Variants in STX16 observed in about 807,000 individuals in gnomAD.
STX16 encodes the protein syntaxin 16, also known as syntaxin-16.
STX16 carries 28 observed loss-of-function variants against 42.7 expected under a neutral mutation model. The observed-to-expected ratio is 0.66, with a 90% confidence interval of 0.49 to 0.90. The LOEUF is 0.90. Ranked by LOEUF, STX16 falls within the 40% of genes least tolerant of loss-of-function variation. The pLI, the probability that STX16 is intolerant of heterozygous loss-of-function variation, is 0.00. For synonymous variants in STX16, 156 were observed against 155.2 expected, an observed-to-expected ratio of 1.00 and a Z score of -0.04; for missense variants, 361 against 420.9, an observed-to-expected ratio of 0.86 and a Z score of 1.24.
chr20:58,661,164 A>G (rs1461107703), intron 2 of STX16, among the ~76,000 whole-genome samples: 1 of 152,234 alleles, frequency 6.6e-6, no homozygotes, highest in African/African-American at 2.4e-5. Context: ...CTCAAAAGGA[A>G]GTGTATAGGA....
In STX16 at chr20:58,665,066, G is replaced by A. The variant is rs916935319; in HGVS notation, c.145-2424G>A. Among the ~76,000 whole-genome samples the A allele has an allele frequency of 2.6e-5, 4 of 152,220 alleles. No homozygotes were observed. The South Asian group carries it at 6.2e-4, about 24-fold the overall frequency. ...GCAGGTGCTGCGAGCTGGGCCTGTG[G>A]TTTGTCCCCCTGCTTTTTAGTCAGT... On this transcript the variant is annotated intron_variant, in intron 2 of 8. Transcript: ENST00000371141.
chr20:58,653,899 G>C (rs1302121438), intron 1 of STX16, among the ~76,000 whole-genome samples: 1 of 150,458 alleles, frequency 6.6e-6, no homozygotes, highest in Non-Finnish European at 1.5e-5. Flanking sequence ...TAAAAACCTA[G>C]TATCTGAGAC....
chr20:58,674,339 C>T (rs1003949080), intron 8 of STX16, among the ~76,000 whole-genome samples: 13 of 152,086 alleles, frequency 8.5e-5, no homozygotes, highest in Non-Finnish European at 1.3e-4. Context: ...GGAATCTTAT[C>T]GGTTATAAGA....
intron 4 of STX16, among the ~76,000 whole-genome samples, chr20:58,669,088 C>T (rs901875943): frequency 6.6e-6 from 1 of 152,224 alleles, no homozygotes; most frequent in Non-Finnish European, 1.5e-5. Flanking sequence ...ACACAGCAGG[C>T]CCTACATAGC....
chr20:58,659,582 C>G (rs748602558), intron 1 of STX16, 41 bp from the exon 2 acceptor site: 2 of 1,598,928 alleles, frequency 1.3e-6, no homozygotes, highest in Non-Finnish European at 1.7e-6. Context: ...TTGTGCTTTC[C>G]CCAACTGGAT....
intron 1 of STX16, among the ~76,000 whole-genome samples, chr20:58,656,037 A>G (rs1480981833): frequency 6.6e-6 from 1 of 152,202 alleles, no homozygotes; most frequent in Non-Finnish European, 1.5e-5. Context: ...AATAAAGGAA[A>G]GAGCACTGAG....
At chr20:58,672,473 A>G (rs930340471) in intron 7 of STX16, among the ~76,000 whole-genome samples, 5 of 152,098 alleles carry the variant, frequency 3.3e-5, no homozygotes, top group African/African-American at 1.2e-4. Flanking sequence ...ATATCTCATT[A>G]TGTGTATGCA....
intron 5 of STX16, 112 bp from the exon 6 acceptor site, chr20:58,670,400 A>AAT: frequency 1.2e-6 from 1 of 809,982 alleles, no homozygotes; most frequent in Non-Finnish European, 2.0e-6. Context: ...AGCGGCTAAG[A>AAT]ATATCTCAAT....
Position 58,651,903 on chromosome 20 carries a change from T to G in STX16, c.-104T>G. On this transcript the variant is annotated 5_prime_UTR_variant, in exon 1 of 9. Coordinates refer to ENST00000371141, the MANE Select transcript of STX16 (RefSeq NM_001001433.3). ...GAGGCCTGAGGCCTTGTCGAGAAGC[T>G]TCCGTGAAAGGGTGGGCCAGCCGGG... 7.6e-7 allele frequency: 1 copy of G among 1,314,704 alleles called. No homozygotes were observed. Among genetic ancestry groups the G allele is most frequent in the Non-Finnish European group, 1.1e-6 (1 of 935,472 alleles). The allele number at this position is 1,314,704 out of a possible 1,614,324, so 81.4% of individuals were successfully genotyped here.
chr20:58,668,700 C>A (rs1284431172), intron 4 of STX16, among the ~76,000 whole-genome samples: 1 of 151,476 alleles, frequency 6.6e-6, no homozygotes, highest in Non-Finnish European at 1.5e-5. Flanking sequence ...TCATTTAATC[C>A]CTCTGACTCT....
chr20:58,662,023 CTAAG>C (rs1030602082), intron 2 of STX16, among the ~76,000 whole-genome samples: 6 of 152,208 alleles, frequency 3.9e-5, no homozygotes, highest in African/African-American at 9.7e-5. Flanking sequence ...TCAGAAAACA[CTAAG>C]TAAGGTGTTC....
At chr20:58,666,192 ACT>A in intron 2 of STX16, among the ~76,000 whole-genome samples, 1 of 152,234 alleles carries the variant, frequency 6.6e-6, no homozygotes, top group South Asian at 2.1e-4. Context: ...TTTTCACCCA[ACT>A]CTACAGTGTG....
intron 2 of STX16, among the ~76,000 whole-genome samples, chr20:58,661,922 C>T (rs990527972): frequency 6.6e-6 from 1 of 152,188 alleles, no homozygotes; most frequent in Non-Finnish European, 1.5e-5. Flanking sequence ...CATCTGACGG[C>T]CTCACTTCAG....
At chr20:58,672,443 A>G (rs1187248114) in intron 7 of STX16, among the ~76,000 whole-genome samples, 1 of 152,126 alleles carries the variant, frequency 6.6e-6, no homozygotes, top group Admixed American at 6.5e-5. Context: ...TTTTGTGTTT[A>G]GACTTGGGTC....
rs1301771555 is a variant in STX16 at position 58,651,906 on chromosome 20, C to T, written c.-101C>T. ...GCCTGAGGCCTTGTCGAGAAGCTTC[C>T]GTGAAAGGGTGGGCCAGCCGGGCCA... On this transcript the variant is annotated 5_prime_UTR_variant, in exon 1 of 9. Coordinates refer to ENST00000371141, the MANE Select transcript of STX16 (RefSeq NM_001001433.3). 18 of 1,330,992 alleles carry T rather than the reference C, an allele frequency of 1.4e-5. No individual in the cohort carries two copies. Among genetic ancestry groups the T allele is most frequent in the Non-Finnish European group, 1.8e-5 (17 of 949,380 alleles). 82.4% of individuals were successfully genotyped at this position (1,330,992 alleles called of 1,614,324 possible).
intron 1 of STX16, among the ~76,000 whole-genome samples, chr20:58,656,946 G>A (rs1234016272): frequency 6.6e-6 from 1 of 152,156 alleles, no homozygotes; most frequent in East Asian, 1.9e-4. Context: ...AGATTTTAGA[G>A]GAGGTAGGAA....
At chr20:58,665,697 T>C (rs1301117644) in intron 2 of STX16, among the ~76,000 whole-genome samples, 2 of 152,076 alleles carry the variant, frequency 1.3e-5, no homozygotes, top group African/African-American at 4.8e-5. Flanking sequence ...CCCCAGACAG[T>C]GCGGGTTTGG....
chr20:58,652,178 G>A, intron 1 of STX16, 40 bp downstream of exon 1: 1 of 1,610,912 alleles, frequency 6.2e-7, no homozygotes, highest in Non-Finnish European at 8.5e-7. Context: ...CGGACCGTGT[G>A]CACTGCGGCT....
At chr20:58,656,229 A>T (rs1311866374) in intron 1 of STX16, among the ~76,000 whole-genome samples, 2 of 152,186 alleles carry the variant, frequency 1.3e-5, no homozygotes, top group Non-Finnish European at 2.9e-5. Flanking sequence ...GTTTTAATAC[A>T]TTGTTTCTCC....
Sources: gnomAD v4.1 joint callset for allele counts (sites outside exome capture counted in the v4.1 genomes callset) on GRCh38, gnomAD v4.1.1 for gene constraint, MANE v1.5 for transcripts, NCBI Gene and HGNC (gene_info 2026-07-23, HGNC 2026-07-21) for gene names.